The following TXNL4A variants were observed in gnomAD, a reference collection of about 807,000 sequenced individuals.
The protein encoded by TXNL4A is thioredoxin-like protein 4A.
TXNL4A carries 17 observed loss-of-function variants against 14.6 expected under a neutral mutation model. The observed-to-expected ratio is 1.16, with a 90% confidence interval of 0.80 to 1.74. TXNL4A has a LOEUF of 1.74. Ranked by LOEUF, TXNL4A falls within the 40% of genes most tolerant of loss-of-function variation. TXNL4A has a pLI of 0.00. For missense variants in TXNL4A, 74 were observed against 195.2 expected (o/e 0.38, Z 3.70); for synonymous variants, 83 against 70.6 (o/e 1.18, Z -0.88).
At position 79,988,530 on chromosome 18, in the gene TXNL4A, A is replaced by G; in HGVS notation, c.-138T>C. On this transcript the variant is annotated 5_prime_UTR_variant, in exon 1 of 3. Transcript: ENST00000269601. ...AAATCCGGTCCCGCCCGCACACGCA[A>G]ACTCCGCTGGGACTGCCACCCGGCA... The G allele has an allele frequency of 1.1e-6, 1 of 929,650 alleles. No individual in the cohort carries two copies. The highest frequency in any genetic ancestry group is 1.4e-6 in the Non-Finnish European group (1 of 710,846). The allele number at this position is 929,650 out of a possible 1,614,324, so 57.6% of individuals were successfully genotyped here.
chr18:79,990,602 G>C (rs958656667), upstream of TXNL4A, among the ~76,000 whole-genome samples: 1 of 152,196 alleles, frequency 6.6e-6, no homozygotes, highest in African/African-American at 2.4e-5. Flanking sequence ...TACAAACACA[G>C]TTGCTTAACA....
At chr18:80,009,053 A>G (rs1015762450) in intron 1 of TXNL4A, among the ~76,000 whole-genome samples, 21 of 152,248 alleles carry the variant, frequency 1.4e-4, no homozygotes, top group Non-Finnish European at 2.4e-4. Flanking sequence ...CTGGGATTAC[A>G]GGCGTGAGCC....
Position 80,012,726 on chromosome 18 carries a change from A to G in TXNL4A, c.-61+21125T>C, listed in dbSNP as rs1034412761. ...TTGGCAAATAGAGTTTTGAAAAATT[A>G]GAGACACAGAATGTCCTGGCCAATA... On this transcript the variant is annotated intron_variant, in intron 1 of 2. Transcript: ENST00000585474. Among the ~76,000 whole-genome samples, 3 of 152,236 alleles carry G rather than the reference A, an allele frequency of 2.0e-5. No homozygotes were observed. In the South Asian group the frequency reaches 6.2e-4, roughly 31 times the overall value.
intron 1 of TXNL4A, among the ~76,000 whole-genome samples, chr18:80,029,259 C>T (rs2051905498): frequency 6.6e-6 from 1 of 152,154 alleles, no homozygotes; most frequent in Admixed American, 6.5e-5. Context: ...GGAAACCATC[C>T]TTCACAGTGG....
intron 1 of TXNL4A, among the ~76,000 whole-genome samples, chr18:80,013,710 C>T (rs931325682): frequency 6.6e-6 from 1 of 152,226 alleles, no homozygotes; most frequent in Non-Finnish European, 1.5e-5. Context: ...TCCCAAAGTG[C>T]TGGGATTACA....
At chr18:80,008,752 G>T (rs1277682500) in intron 1 of TXNL4A, among the ~76,000 whole-genome samples, 1 of 152,076 alleles carries the variant, frequency 6.6e-6, no homozygotes, top group Non-Finnish European at 1.5e-5. Context: ...GAAGCAGTTG[G>T]AAATTCATTC....
chr18:79,973,897 C>G, intron 2 of TXNL4A, 41 bp from the exon 3 acceptor site: 1 of 1,595,316 alleles, frequency 6.3e-7, no homozygotes, highest in Non-Finnish European at 8.5e-7. Context: ...ATAGAAGTCT[C>G]TTTAAAAAAG....
chr18:80,032,110 A>G (rs986711385), intron 1 of TXNL4A, among the ~76,000 whole-genome samples: 1 of 152,198 alleles, frequency 6.6e-6, no homozygotes, highest in African/African-American at 2.4e-5. Context: ...AGTCTGGCCT[A>G]GGTCCCTATA....
rs181974997 is a variant in TXNL4A at position 79,980,563 on chromosome 18, T to C, written c.154-2862A>G. Among the ~76,000 whole-genome samples the C allele has an allele frequency of 3.1e-4, 47 of 152,242 alleles. No homozygotes were observed. In the East Asian group the frequency reaches 8.5e-3, roughly 28 times the overall value. ...ACTATATTCTCTACTTTGGGAAATA[T>C]TTTTTAAAAATTAAGATGGAAATGT... On this transcript the variant is annotated intron_variant, in intron 1 of 2. Coordinates refer to ENST00000269601, the MANE Select transcript of TXNL4A (RefSeq NM_006701.5).
intron 1 of TXNL4A, among the ~76,000 whole-genome samples, chr18:80,003,842 A>G (rs1042183477): frequency 6.6e-6 from 1 of 152,200 alleles, no homozygotes; most frequent in African/African-American, 2.4e-5. Context: ...GCAGGATGCA[A>G]TGAATGCAAG....
intron 1 of TXNL4A, among the ~76,000 whole-genome samples, chr18:80,004,688 C>T (rs1023467544): frequency 6.6e-6 from 1 of 152,160 alleles, no homozygotes; most frequent in Non-Finnish European, 1.5e-5. Flanking sequence ...AGCTTTGACC[C>T]ATGCAGAAGT....
At chr18:80,002,459 T>C (rs1185611040) in intron 1 of TXNL4A, among the ~76,000 whole-genome samples, 1 of 152,182 alleles carries the variant, frequency 6.6e-6, no homozygotes, top group Non-Finnish European at 1.5e-5. Context: ...AAAAAGCCAC[T>C]GAAGAGTTGC....
At chr18:80,024,054 G>A (rs2051867651) in intron 1 of TXNL4A, among the ~76,000 whole-genome samples, 2 of 152,190 alleles carry the variant, frequency 1.3e-5, no homozygotes, top group Admixed American at 6.5e-5. Context: ...GCCTTTCAGT[G>A]CTTGGTACTG....
At chr18:79,974,180 A>C (rs2051344180) in intron 2 of TXNL4A, among the ~76,000 whole-genome samples, 1 of 152,210 alleles carries the variant, frequency 6.6e-6, no homozygotes. Flanking sequence ...TGGGAGGCTG[A>C]GGCAGGAGGA....
At chr18:79,977,383 A>C in intron 2 of TXNL4A, 1 of 535,542 alleles carries the variant, frequency 1.9e-6, no homozygotes, top group Non-Finnish European at 3.3e-6. Flanking sequence ...TTATTTCAAA[A>C]GGGTAATTTG....
At chr18:79,988,103 G>T in intron 1 of TXNL4A, 137 bp downstream of exon 1, 3 of 1,081,508 alleles carry the variant, frequency 2.8e-6, no homozygotes, top group Non-Finnish European at 3.6e-6. Flanking sequence ...CCGCAGCGAG[G>T]GGAGGAATCG....
chr18:79,986,555 A>T, intron 1 of TXNL4A: 1 of 984,024 alleles, frequency 1.0e-6, no homozygotes, highest in Non-Finnish European at 1.2e-6. Context: ...AATTGGACAT[A>T]AAGGAGTTGG....
At chr18:80,003,162 C>G (rs1204273606) in intron 1 of TXNL4A, among the ~76,000 whole-genome samples, 2 of 152,350 alleles carry the variant, frequency 1.3e-5, no homozygotes, top group African/African-American at 2.4e-5. Flanking sequence ...ATATGTCATC[C>G]TCTGTGGATG....
upstream of TXNL4A, among the ~76,000 whole-genome samples, chr18:79,991,834 A>G (rs1240921041): frequency 6.6e-6 from 1 of 152,216 alleles, no homozygotes; most frequent in East Asian, 1.9e-4. Context: ...TTATTTTTCC[A>G]AGGTTGAGGA....
Sources: gnomAD v4.1 joint callset for allele counts (sites outside exome capture counted in the v4.1 genomes callset) on GRCh38, gnomAD v4.1.1 for gene constraint, MANE v1.5 for transcripts, NCBI Gene and HGNC (gene_info 2026-07-23, HGNC 2026-07-21) for gene names.